TANGO6: variants seen among roughly 807,000 people sequenced by gnomAD.
TANGO6 encodes the protein transport and Golgi organization protein 6 homolog.
Under a neutral mutation model 114.2 loss-of-function variants are expected in TANGO6, and 90 were observed. The ratio of observed to expected loss-of-function variants is 0.79; its 90% CI spans 0.66 to 0.94. The LOEUF is 0.94. Among genes scored for constraint, TANGO6 ranks in the 40% least tolerant of loss-of-function variants. The pLI is 0.00. For synonymous variants in TANGO6, 477 were observed against 509.8 expected (o/e 0.94, Z 0.87); for missense variants, 1,274 against 1,315.3 (o/e 0.97, Z 0.49).
At chr16:68,978,490 T>A (rs533091856) in intron 15 of TANGO6, among the ~76,000 whole-genome samples, 55 of 152,372 alleles carry the variant, frequency 3.6e-4, no homozygotes, top group Admixed American at 1.1e-3. Context: ...CTTTAACTGC[T>A]AGTTTCTGTT....
intron 12 of TANGO6, 113 bp from the exon 13 acceptor site, chr16:68,927,455 T>C (rs1963181784): frequency 8.7e-7 from 1 of 1,146,754 alleles, no homozygotes; most frequent in African/African-American, 1.5e-5. Flanking sequence ...GATTACACCA[T>C]GAGCAAGATT....
chr16:69,048,020 T>C (rs1959889565), intron 17 of TANGO6, among the ~76,000 whole-genome samples: 1 of 152,022 alleles, frequency 6.6e-6, no homozygotes, highest in African/African-American at 2.4e-5. Context: ...TAACATCAGG[T>C]TGTTTCTTCA....
At chr16:68,999,045 G>C (rs1964017641) in intron 15 of TANGO6, among the ~76,000 whole-genome samples, 1 of 151,798 alleles carries the variant, frequency 6.6e-6, no homozygotes, top group South Asian at 2.1e-4. Flanking sequence ...ACCACACCTG[G>C]CTAATTTTTG....
chr16:68,955,165 C>T (rs142960342), intron 14 of TANGO6, among the ~76,000 whole-genome samples: 1 of 152,248 alleles, frequency 6.6e-6, no homozygotes, highest in African/African-American at 2.4e-5. Flanking sequence ...ACCTAACTGA[C>T]AAACAGATGT....
chr16:68,976,125 G>T (rs948336270), intron 15 of TANGO6, among the ~76,000 whole-genome samples: 2 of 151,938 alleles, frequency 1.3e-5, no homozygotes, highest in Non-Finnish European at 2.9e-5. Context: ...GTAGAGATGG[G>T]GTTTTACCAT....
intron 13 of TANGO6, among the ~76,000 whole-genome samples, chr16:68,929,869 G>A (rs1005566072): frequency 2.6e-5 from 4 of 152,150 alleles, no homozygotes; most frequent in Non-Finnish European, 4.4e-5. Context: ...CAGCAAATGT[G>A]CCATCCATTG....
At chr16:68,898,450 T>G (rs1280543592) in intron 7 of TANGO6, among the ~76,000 whole-genome samples, 1 of 152,196 alleles carries the variant, frequency 6.6e-6, no homozygotes, top group African/African-American at 2.4e-5. Flanking sequence ...TCAAAACTCT[T>G]TCTATAAATA....
intron 14 of TANGO6, among the ~76,000 whole-genome samples, chr16:68,961,390 C>A (rs183298066): frequency 6.6e-6 from 1 of 152,228 alleles, no homozygotes; most frequent in Non-Finnish European, 1.5e-5. Flanking sequence ...GCCATATTTT[C>A]ACCTCCGTTC....
chr16:69,016,130 G>A (rs1290770555), intron 15 of TANGO6, among the ~76,000 whole-genome samples: 1 of 152,126 alleles, frequency 6.6e-6, no homozygotes, highest in African/African-American at 2.4e-5. Context: ...TTCCCCGCTA[G>A]AAGTAGGCTT....
In TANGO6 at chr16:68,876,140, C is replaced by A. The variant is rs370402398; in HGVS notation, c.1131+850C>A. On this transcript the variant is annotated intron_variant, in intron 5 of 17. Transcript: ENST00000261778. ...GCATACACACATACATTAACATATA[C>A]ACATGATGGTACAATTAATGCTAAT... is the stretch of plus-strand genomic sequence containing the variant. 3.3e-5 allele frequency among the ~76,000 whole-genome samples: 5 copies of A among 151,738 alleles called. No homozygotes were observed. In the East Asian group the frequency reaches 5.8e-4, roughly 18 times the overall value.
chr16:68,999,430 A>G (rs1370445877), intron 15 of TANGO6, among the ~76,000 whole-genome samples: 1 of 152,212 alleles, frequency 6.6e-6, no homozygotes, highest in Non-Finnish European at 1.5e-5. Context: ...TTGATCCCTT[A>G]AACAGTCTGT....
In TANGO6 at chr16:68,862,951, A is replaced by G; in HGVS notation, c.742A>G (p.Thr248Ala). The G allele has an allele frequency of 6.3e-7, 1 of 1,588,802 alleles. No individual in the cohort carries two copies. ...AAGTGCATATTTCTTTTAGGTTCTA[A>G]CTGAAGAGGAGAGAACCCTATCCAG... ...KLLTPAEEVL[T>A]EEERTLSRGA... The change falls in exon 3 of 18, where the codon ACT becomes GCT. Residue 248 changes from threonine (T) to alanine (A), a missense_variant. By Grantham distance (58) the Thr-to-Ala change is moderately conservative. Around this residue, in one of 5 missense-constraint regions of TANGO6, gnomAD observed 908 missense variants for 910.2 expected, o/e 1.00. Transcript: ENST00000261778.
intron 13 of TANGO6, among the ~76,000 whole-genome samples, chr16:68,929,511 A>G (rs1963213170): frequency 6.6e-6 from 1 of 152,212 alleles, no homozygotes; most frequent in South Asian, 2.1e-4. Flanking sequence ...AGAGACCAGC[A>G]GCATCAAGTT....
Position 69,054,190 on chromosome 16 carries a change from T to A in TANGO6, c.3108+13769T>A, listed in dbSNP as rs79924133. Among the ~76,000 whole-genome samples, 1,202 of 152,306 alleles carry A rather than the reference T, an allele frequency of 7.9e-3. 53 individuals are homozygous for A. In the East Asian group the frequency reaches 0.12, roughly 15 times the overall value. On this transcript the variant is annotated intron_variant, in intron 17 of 17. Transcript: ENST00000261778. ...TCAGTGTGTAGACTTTCACTTATCC[T>A]CCTGTTTTTACCATCGCACTCTCAT...
intron 17 of TANGO6, among the ~76,000 whole-genome samples, chr16:69,060,396 G>C (rs532919902): frequency 1.8e-4 from 27 of 152,116 alleles, no homozygotes; most frequent in Admixed American, 3.9e-4. Flanking sequence ...TAAGAGGCCT[G>C]GCCAGCCTGG....
chr16:69,075,031 G>A (rs553082567), intron 17 of TANGO6, among the ~76,000 whole-genome samples: 8 of 151,788 alleles, frequency 5.3e-5, no homozygotes, highest in Admixed American at 1.3e-4. Context: ...TAGTAGAGAC[G>A]GGGTTTCGCC....
chr16:68,881,682 A>G (rs1962464063), intron 7 of TANGO6, among the ~76,000 whole-genome samples: 1 of 152,230 alleles, frequency 6.6e-6, no homozygotes, highest in Non-Finnish European at 1.5e-5. Flanking sequence ...ATATATAACA[A>G]GAATGAAAAT....
chr16:69,032,816 C>A (rs570287477), intron 16 of TANGO6, among the ~76,000 whole-genome samples: 1 of 150,318 alleles, frequency 6.7e-6, no homozygotes, highest in Admixed American at 6.6e-5. Flanking sequence ...GCTGAGGTTG[C>A]AGTGGGCCAA....
chr16:68,862,932 A>G lies in TANGO6; in HGVS notation c.736-13A>G, dbSNP rs371692907. The G allele has an allele frequency of 3.9e-6, 6 of 1,550,726 alleles. No homozygotes were observed. The highest frequency in any genetic ancestry group is 5.3e-6 in the Non-Finnish European group (6 of 1,138,750). On this transcript the variant is annotated splice_polypyrimidine_tract_variant and intron_variant, in intron 2 of 17. Coordinates refer to ENST00000261778, the MANE Select transcript of TANGO6 (RefSeq NM_024562.2). ...TTTGAATTCCACTAAAGCCAAGTGC[A>G]TATTTCTTTTAGGTTCTAACTGAAG...
Sources: gnomAD v4.1 joint callset for allele counts (sites outside exome capture counted in the v4.1 genomes callset) on GRCh38, gnomAD v4.1.1 for gene constraint, gnomAD v4.1.1 regional missense constraint, MANE v1.5 for transcripts, NCBI Gene and HGNC (gene_info 2026-07-23, HGNC 2026-07-21) for gene names.